The following EPN3 variants were observed in gnomAD, a reference collection of about 807,000 sequenced individuals.
EPN3 encodes epsin 3, also known as epsin-3.
A neutral mutation model predicts 55.5 loss-of-function variants in EPN3; 56 were observed. That is an observed-to-expected ratio of 1.01 (90% CI 0.81 to 1.26). EPN3 has a LOEUF of 1.26. EPN3 is among the 50% of genes most tolerant of loss of function. The pLI is 0.00. For synonymous variants in EPN3, 449 were observed against 375.2 expected (o/e 1.20, Z -2.27); for missense variants, 927 against 853.4 (o/e 1.09, Z -1.07).
chr17:50,542,003 C>G lies in EPN3; in HGVS notation c.1745C>G (p.Pro582Arg). The change falls in exon 10 of 10, where the codon CCG becomes CGG. Residue 582 changes from proline to arginine, a missense_variant. Coordinates refer to ENST00000268933, the MANE Select transcript of EPN3 (RefSeq NM_017957.3). The part of the protein sequence containing the change: ...SMTYSASLPL[P>R]LSSVPAGLTL... ...ACCTACAGCGCCTCTCTGCCCCTCC[C>G]GCTCAGCAGCGTGCCAGCTGGCTTG... 3 of 1,598,148 alleles carry G rather than the reference C, an allele frequency of 1.9e-6. No homozygotes were observed. The highest frequency in any genetic ancestry group is 2.2e-5 in the South Asian group (2 of 90,806).
At chr17:50,533,468 G>C (rs903917169) in intron 1 of EPN3, among the ~76,000 whole-genome samples, 5 of 152,220 alleles carry the variant, frequency 3.3e-5, no homozygotes, top group Admixed American at 6.5e-5. Flanking sequence ...GGCAGGGGCT[G>C]GAGCCCACCT....
At position 50,537,028 on chromosome 17, in the gene EPN3, G is replaced by A. The variant is rs927237200; in HGVS notation, c.472G>A (p.Gly158Ser). Reference protein sequence around the residue: ...LKTKERMALEGIGIGSGQLGF... With the variant: ...LKTKERMALESIGIGSGQLGF... Reference sequence around the variant, plus strand: ...GACCAAGGAGCGCATGGCACTGGAGGGCATCGGCATTGGCAGTGGGCAGCT... The same window carrying A: ...GACCAAGGAGCGCATGGCACTGGAGAGCATCGGCATTGGCAGTGGGCAGCT... The change falls in exon 2 of 10, where the codon GGC (glycine) becomes AGC (serine). Residue 158 changes from glycine (G) to serine (S), a missense_variant. Transcript: ENST00000268933. 1 of 1,613,138 alleles carries A rather than the reference G, an allele frequency of 6.2e-7. No individual in the cohort carries two copies. The highest frequency in any genetic ancestry group is 8.5e-7 in the Non-Finnish European group (1 of 1,179,920).
chr17:50,534,516 C>T (rs1049059698), intron 1 of EPN3: 1 of 985,372 alleles, frequency 1.0e-6, no homozygotes, highest in African/African-American at 1.7e-5. Context: ...CTCTGCCACC[C>T]CCAGCCACGG....
intron 3 of EPN3, 151 bp from the exon 4 acceptor site, chr17:50,538,733 C>G (rs891061213): frequency 7.3e-6 from 4 of 549,506 alleles, no homozygotes; most frequent in African/African-American, 1.9e-5. Context: ...GAGAAGGCCA[C>G]GCCCACCCTG....
rs769151315 is a variant in EPN3 at position 50,540,941 on chromosome 17, C to G, written c.1128C>G (p.Thr376=). 22 of 1,613,636 alleles carry G rather than the reference C, an allele frequency of 1.4e-5. No individual in the cohort carries two copies. The East Asian group carries it at 4.2e-4, about 31-fold the overall frequency. The change falls in exon 7 of 10, where the codon ACC becomes ACG. Residue 376 remains threonine (T), a synonymous_variant. Transcript: ENST00000268933. ...MLSSSEPWGR[T]PVLPAGPPTT... The stretch of plus-strand genomic sequence containing the variant: ...CCTCCTCTGAGCCCTGGGGCAGGAC[C>G]CCAGTGCTGCCTGCTGGGCCCCCCA...
intron 4 of EPN3, 46 bp downstream of exon 4, chr17:50,539,010 G>A: frequency 1.9e-6 from 3 of 1,559,466 alleles, no homozygotes; most frequent in Non-Finnish European, 2.6e-6. Context: ...TGCTGCTGCT[G>A]GTGGAGGTGC....
intron 1 of EPN3, 195 bp from the exon 2 acceptor site, chr17:50,536,226 T>C (rs576865983): frequency 4.4e-5 from 15 of 339,292 alleles, no homozygotes; most frequent in Admixed American, 9.0e-5. Flanking sequence ...CTTTGGGGTG[T>C]GGCTGTGAAG....
intron 5 of EPN3, 25 bp from the exon 6 acceptor site, chr17:50,540,222 C>T (rs1174295610): frequency 6.2e-7 from 1 of 1,604,664 alleles, no homozygotes; most frequent in South Asian, 1.1e-5. Flanking sequence ...CACTTCTGAG[C>T]CGCGGCTGCC....
intron 3 of EPN3, 58 bp from the exon 4 acceptor site, chr17:50,538,826 C>T (rs1442265612): frequency 5.2e-6 from 7 of 1,356,924 alleles, no homozygotes; most frequent in Admixed American, 4.7e-5. Flanking sequence ...GCCTATACTG[C>T]CCTTCTGGTC....
At position 50,542,064 on chromosome 17, in the gene EPN3, C is replaced by T; in HGVS notation, c.1806C>T (p.Ala602=). ...CCTCGGTTAGCGTCTTCCCGCAGGC[C>T]GGAGCCTTCGCACCGCAGCCGCTGC... ...LPASVSVFPQ[A]GAFAPQPLLP... Residue 602 remains alanine, a synonymous_variant, in exon 10 of 10, where the codon GCC becomes GCT. Coordinates refer to ENST00000268933, the MANE Select transcript of EPN3 (RefSeq NM_017957.3). 1.3e-6 allele frequency: 2 copies of T among 1,589,308 alleles called. No homozygotes were observed. Among genetic ancestry groups the T allele is most frequent in the Non-Finnish European group, 1.7e-6 (2 of 1,176,490 alleles).
In EPN3 at chr17:50,536,694, G is replaced by C; in HGVS notation, c.138G>C (p.Leu46=). 6.2e-7 allele frequency: 1 copy of C among 1,614,132 alleles called. No homozygotes were observed. The highest frequency in any genetic ancestry group is 1.1e-5 in the South Asian group (1 of 91,076). Reference sequence around the variant, plus strand: ...CGCTCATGTCCGAGATCGCTGACCTGACCTTCAACACAGTGGCCTTCACCG... The same window carrying C: ...CGCTCATGTCCGAGATCGCTGACCTCACCTTCAACACAGTGGCCTTCACCG... ...PSSLMSEIAD[L]TFNTVAFTEV... Residue 46 remains leucine (L), a synonymous_variant, in exon 2 of 10, where the codon CTG becomes CTC. Transcript: ENST00000268933.
rs147215493 is a variant in EPN3 at position 50,542,050 on chromosome 17, G to A, written c.1792G>A (p.Val598Ile). The A allele has an allele frequency of 1.9e-5, 30 of 1,594,044 alleles. No homozygotes were observed. In the African/African-American group the frequency reaches 2.7e-4, roughly 14 times the overall value. The part of the protein sequence containing the change: ...AGLTLPASVS[V>I]FPQAGAFAPQ... ...CTTGACCCTCCCCGCCTCGGTTAGC[G>A]TCTTCCCGCAGGCCGGAGCCTTCGC... Residue 598 changes from valine to isoleucine, a missense_variant, in exon 10 of 10, where the codon GTC (valine) becomes ATC (isoleucine). By Grantham distance (29) the Val-to-Ile change is conservative. Transcript: ENST00000268933.
At chr17:50,533,368 G>C (rs1038410706) in intron 1 of EPN3, among the ~76,000 whole-genome samples, 1 of 152,174 alleles carries the variant, frequency 6.6e-6, no homozygotes, top group African/African-American at 2.4e-5. Flanking sequence ...ACAGTGGCCA[G>C]AAGCTTAGAG....
chr17:50,538,063 A>G lies in EPN3; in HGVS notation c.563-16A>G, dbSNP rs143977941. ...TGGGTAATCGTGTGGTCACAGAGACATGATGGTCATTGCAGCCTCCTCTTC... is the reference window on the plus strand; with the variant it reads ...TGGGTAATCGTGTGGTCACAGAGACGTGATGGTCATTGCAGCCTCCTCTTC... On this transcript the variant is annotated splice_polypyrimidine_tract_variant and intron_variant, in intron 2 of 9. Coordinates refer to ENST00000268933, the MANE Select transcript of EPN3 (RefSeq NM_017957.3). 1 of 1,600,994 alleles carries G rather than the reference A, an allele frequency of 6.2e-7. No homozygotes were observed. The highest frequency in any genetic ancestry group is 8.6e-7 in the Non-Finnish European group (1 of 1,168,366).
rs137863211 is a variant in EPN3 at position 50,540,807 on chromosome 17, A to C, written c.994A>C (p.Thr332Pro). The C allele has an allele frequency of 9.1e-5, 147 of 1,610,648 alleles. No homozygotes were observed. In the African/African-American group the frequency reaches 1.8e-3, roughly 20 times the overall value. The change falls in exon 7 of 10, where the codon ACA becomes CCA. Residue 332 changes from threonine (T) to proline (P), a missense_variant. Coordinates refer to ENST00000268933, the MANE Select transcript of EPN3 (RefSeq NM_017957.3). Reference sequence around the variant, plus strand: ...TCCCATTTCAGGTTTTAGGCCGAACACAGAGGCCAGTGGATCCTCCTGGGG... The same window carrying C: ...TCCCATTTCAGGTTTTAGGCCGAACCCAGAGGCCAGTGGATCCTCCTGGGG... Reference protein sequence around the residue: ...PWDIPGFRPNTEASGSSWGPS... With the variant: ...PWDIPGFRPNPEASGSSWGPS...
At chr17:50,534,447 G>A (rs796089777) in intron 1 of EPN3, 22 of 985,564 alleles carry the variant, frequency 2.2e-5, no homozygotes, top group African/African-American at 1.2e-4. Flanking sequence ...TAGTTCCAGC[G>A]GCCAGCCGGT....
rs756084503 is a variant in EPN3, at chr17:50,536,975, T to C, written c.419T>C (p.Leu140Pro). 6.2e-7 allele frequency: 1 copy of C among 1,613,860 alleles called. No individual in the cohort carries two copies. Among genetic ancestry groups the C allele is most frequent in the Admixed American group, 1.7e-5 (1 of 60,024 alleles). Residue 140 changes from leucine (L) to proline (P), a missense_variant, in exon 2 of 10, where the codon CTG becomes CCG. Transcript: ENST00000268933. ...GCCCTGCTCAAGGATGAGGAGCGGCTGCGGCAGGAGCGAACCCACGCCCTC... is the reference window on the plus strand; with the variant it reads ...GCCCTGCTCAAGGATGAGGAGCGGCCGCGGCAGGAGCGAACCCACGCCCTC... The part of the protein sequence containing the change: ...VMALLKDEER[L>P]RQERTHALKT...
chr17:50,535,789 A>C (rs1312924100), intron 1 of EPN3, among the ~76,000 whole-genome samples: 1 of 152,228 alleles, frequency 6.6e-6, no homozygotes, highest in African/African-American at 2.4e-5. Flanking sequence ...TGAATGCATC[A>C]AACTACAAAA....
At chr17:50,541,161 TG>T in intron 7 of EPN3, 67 bp from the exon 8 acceptor site, 1 of 1,605,730 alleles carries the variant, frequency 6.2e-7, no homozygotes, top group Non-Finnish European at 8.5e-7. Flanking sequence ...ACAGCTTCTC[TG>T]GAAAGGGGTC....
Sources: gnomAD v4.1 joint callset for allele counts (sites outside exome capture counted in the v4.1 genomes callset) on GRCh38, gnomAD v4.1.1 for gene constraint, MANE v1.5 for transcripts, NCBI Gene and HGNC (gene_info 2026-07-23, HGNC 2026-07-21) for gene names.